ADCY5: variants seen among roughly 807,000 people sequenced by gnomAD.
ADCY5 encodes adenylate cyclase 5.
In ADCY5, 30 loss-of-function variants were observed where a neutral mutation model predicts 119.7. The ratio of observed to expected loss-of-function variants is 0.25; its 90% CI spans 0.19 to 0.34. The LOEUF (loss-of-function observed/expected upper bound fraction) is 0.34. Among genes scored for constraint, ADCY5 ranks in the 10% least tolerant of loss-of-function variants. ADCY5 has a pLI of 1.00. For synonymous variants in ADCY5, 753 were observed against 762.2 expected, an observed-to-expected ratio of 0.99 and a Z score of 0.20; for missense variants, 1,324 against 1,775.2, an observed-to-expected ratio of 0.75 and a Z score of 4.57.
chr3:123,287,696 G>A (rs1047815476), intron 19 of ADCY5, among the ~76,000 whole-genome samples: 2 of 152,168 alleles, frequency 1.3e-5, no homozygotes, highest in Non-Finnish European at 2.9e-5. Context: ...CCAAGCCGCA[G>A]GCAGCTTTAT....
chr3:123,316,334 A>T lies in ADCY5; in HGVS notation c.2354+1686T>A, dbSNP rs564297727. Among the ~76,000 whole-genome samples the T allele has an allele frequency of 2.6e-5, 4 of 152,334 alleles. No homozygotes were observed. The South Asian group carries it at 8.3e-4, about 32-fold the overall frequency. Reference sequence around the variant, plus strand: ...TATCACAGATGGGAGGGGACTGAGGACATGAATCAACTACATGCGACATGG... The same window carrying T: ...TATCACAGATGGGAGGGGACTGAGGTCATGAATCAACTACATGCGACATGG... On this transcript the variant is annotated intron_variant, in intron 11 of 20. Coordinates refer to ENST00000462833, the MANE Select transcript of ADCY5 (RefSeq NM_183357.3).
chr3:123,407,589 TAAAAA>T (rs35895488), intron 1 of ADCY5, among the ~76,000 whole-genome samples: 3 of 94,174 alleles, frequency 3.2e-5, no homozygotes, highest in African/African-American at 1.4e-4. Context: ...CTATCTCTAC[TAAAAA>T]AAAAAAAAAA....
At chr3:123,401,102 A>T (rs1944738898) in intron 1 of ADCY5, among the ~76,000 whole-genome samples, 1 of 152,214 alleles carries the variant, frequency 6.6e-6, no homozygotes, top group African/African-American at 2.4e-5. Context: ...TGTAACGCTA[A>T]TAGTGGCTAT....
chr3:123,410,122 G>T (rs1945005719), intron 1 of ADCY5, among the ~76,000 whole-genome samples: 1 of 152,198 alleles, frequency 6.6e-6, no homozygotes, highest in Admixed American at 6.5e-5. Context: ...AACCCAGTGA[G>T]AGGCCCCCAT....
At chr3:123,406,841 C>T (rs1223138462) in intron 1 of ADCY5, among the ~76,000 whole-genome samples, 1 of 152,134 alleles carries the variant, frequency 6.6e-6, no homozygotes, top group Non-Finnish European at 1.5e-5. Context: ...TGAGCTGGCT[C>T]TCCTCCAGAA....
rs75494273 is a variant in ADCY5 at position 123,304,145 on chromosome 3, G to C, written c.2481C>G (p.Ile827Met). ...PSPLQTLSRK[I>M]VRSKMNSTLV... ...GGGTGCTGTTCATCTTGGACCGCAC[G>C]ATCTTCCTGGAGAGGGTCTGCAGTG... The change falls in exon 13 of 21, where the codon ATC (isoleucine) becomes ATG (methionine). Residue 827 changes from isoleucine (I) to methionine (M), a missense_variant. Transcript: ENST00000462833. 1 of 1,401,248 alleles carries C rather than the reference G, an allele frequency of 7.1e-7. No individual in the cohort carries two copies. The highest frequency in any genetic ancestry group is 1.9e-5 in the Admixed American group (1 of 52,944). 86.8% of individuals were successfully genotyped at this position (1,401,248 alleles called of 1,614,324 possible).
chr3:123,330,000 T>C (rs966927741), intron 5 of ADCY5, among the ~76,000 whole-genome samples: 9 of 152,216 alleles, frequency 5.9e-5, no homozygotes, highest in African/African-American at 2.2e-4. Flanking sequence ...TCCTGGGCCC[T>C]CCTTCAATAG....
chr3:123,296,871 A>C, intron 16 of ADCY5: 3 of 844,274 alleles, frequency 3.6e-6, no homozygotes, highest in African/African-American at 1.7e-5. Context: ...GTGCCTGCCA[A>C]GAGCTCAACC....
intron 3 of ADCY5, among the ~76,000 whole-genome samples, chr3:123,346,570 C>G (rs1681208539): frequency 2.0e-5 from 3 of 150,942 alleles, no homozygotes; most frequent in African/African-American, 7.3e-5. Context: ...CTGAAGAAAA[C>G]AGTGCTTCCC....
chr3:123,357,820 C>T (rs970133450), intron 1 of ADCY5, among the ~76,000 whole-genome samples: 3 of 152,068 alleles, frequency 2.0e-5, no homozygotes, highest in Non-Finnish European at 2.9e-5. Context: ...GGGGAGGTAT[C>T]GGTAAAATCT....
chr3:123,318,397 A>G (rs1262644913), intron 10 of ADCY5, among the ~76,000 whole-genome samples: 2 of 151,824 alleles, frequency 1.3e-5, no homozygotes, highest in East Asian at 1.9e-4. Flanking sequence ...ATGGCTGTAC[A>G]TGACTGCATG....
chr3:123,394,976 T>C (rs147123562), intron 1 of ADCY5, among the ~76,000 whole-genome samples: 1 of 152,338 alleles, frequency 6.6e-6, no homozygotes, highest in Admixed American at 6.5e-5. Context: ...GAATGGCCCA[T>C]TCCTCAAGGG....
chr3:123,376,436 A>G (rs1943836626), intron 1 of ADCY5, among the ~76,000 whole-genome samples: 1 of 151,822 alleles, frequency 6.6e-6, no homozygotes, highest in Non-Finnish European at 1.5e-5. Flanking sequence ...TTCAAGGAGG[A>G]GCATATGTTC....
At chr3:123,401,136 T>C (rs905795234) in intron 1 of ADCY5, among the ~76,000 whole-genome samples, 2 of 152,092 alleles carry the variant, frequency 1.3e-5, no homozygotes, top group African/African-American at 4.8e-5. Context: ...ACTAGAGGTG[T>C]TTGTTTTTTC....
At chr3:123,336,575 C>A (rs923694555) in intron 3 of ADCY5, among the ~76,000 whole-genome samples, 8 of 152,170 alleles carry the variant, frequency 5.3e-5, no homozygotes, top group Admixed American at 2.6e-4. Context: ...GGTAGGACTG[C>A]CACCGAGCAG....
At chr3:123,325,597 AG>A (rs1487829449) in intron 7 of ADCY5, 135 bp from the exon 8 acceptor site, 45 of 1,183,774 alleles carry the variant, frequency 3.8e-5, no homozygotes, top group Non-Finnish European at 5.1e-5. Context: ...CCCTGGAGCC[AG>A]AGCTCGGCCC....
At chr3:123,291,418 G>A in intron 17 of ADCY5, 42 bp from the exon 18 acceptor site, 1 of 1,580,326 alleles carries the variant, frequency 6.3e-7, no homozygotes, top group South Asian at 1.2e-5. Context: ...GCCAATGTGA[G>A]CCCAGATGTC....
Position 123,303,042 on chromosome 3 carries a change from G to A in ADCY5, c.2724+13C>T. 7 of 1,613,034 alleles carry A rather than the reference G, an allele frequency of 4.3e-6. No individual in the cohort carries two copies. The highest frequency in any genetic ancestry group is 5.9e-6 in the Non-Finnish European group (7 of 1,179,822). Reference sequence around the variant, plus strand: ...TCTTCAGCACTCCCTTCCAGCCCCTGTGCACCCAGTACCTCGGGGAAGTTG... The same window carrying A: ...TCTTCAGCACTCCCTTCCAGCCCCTATGCACCCAGTACCTCGGGGAAGTTG... On this transcript the variant is annotated intron_variant, in intron 14 of 20. Coordinates refer to ENST00000462833, the MANE Select transcript of ADCY5 (RefSeq NM_183357.3).
intron 1 of ADCY5, among the ~76,000 whole-genome samples, chr3:123,419,498 G>A (rs576154021): frequency 2.6e-5 from 4 of 152,054 alleles, no homozygotes; most frequent in Admixed American, 6.5e-5. Context: ...CCAACCGACC[G>A]TGCACTCCTG....
Sources: allele counts gnomAD v4.1 joint callset (sites outside exome capture counted in the v4.1 genomes callset), GRCh38; gene constraint gnomAD v4.1.1; transcripts MANE v1.5; gene names NCBI Gene and HGNC (gene_info 2026-07-23, HGNC 2026-07-21).